The following TRDN variants were observed in gnomAD, a reference collection of about 807,000 sequenced individuals.
TRDN encodes the protein triadin in skeletal muscle.
A neutral mutation model predicts 149.7 loss-of-function variants in TRDN; 161 were observed. That is an observed-to-expected ratio of 1.08 (90% CI 0.95 to 1.23). The LOEUF (loss-of-function observed/expected upper bound fraction) is 1.23. Among genes scored for constraint, TRDN ranks in the 50% most tolerant of loss-of-function variants. The probability of loss-of-function intolerance (pLI) is 0.00; values close to 1 mark genes in which losing one functional copy is unlikely to be tolerated. For synonymous variants in TRDN, 294 were observed against 250.5 expected (o/e 1.17, Z -1.64); for missense variants, 896 against 823.5 (o/e 1.09, Z -1.08).
At chr6:123,235,718 T>C (rs75486621) in intron 38 of TRDN, among the ~76,000 whole-genome samples, 4,929 of 152,196 alleles carry the variant, frequency 0.032, 264 homozygotes, top group African/African-American at 0.11. Flanking sequence ...TCCTTTATAG[T>C]GACACTCCCC....
At chr6:123,326,355 T>C (rs971205728) in intron 23 of TRDN, among the ~76,000 whole-genome samples, 7 of 152,054 alleles carry the variant, frequency 4.6e-5, no homozygotes, top group Admixed American at 2.0e-4. Flanking sequence ...TATAGAGTCT[T>C]ATATTCTAAG....
chr6:123,627,529 G>A (rs372026370), intron 1 of TRDN, among the ~76,000 whole-genome samples: 1 of 152,098 alleles, frequency 6.6e-6, no homozygotes, highest in South Asian at 2.1e-4. Context: ...TAAATTTATT[G>A]TAATTCTTTA....
At position 123,550,675 on chromosome 6, in the gene TRDN, C is replaced by T. The variant is rs183051589; in HGVS notation, c.233-2063G>A. 6.1e-4 allele frequency among the ~76,000 whole-genome samples: 92 copies of T among 151,920 alleles called. No homozygotes were observed. In the East Asian group the frequency reaches 9.7e-3, roughly 16 times the overall value. ...ACTGATGGGAAGATCTCATAGAGAG[C>T]GGAAAAATTATATGAACGAGAGGAT... On this transcript the variant is annotated intron_variant, in intron 2 of 40. Transcript: ENST00000334268.
At chr6:123,367,857 C>T (rs536009635) in intron 19 of TRDN, among the ~76,000 whole-genome samples, 8 of 152,298 alleles carry the variant, frequency 5.3e-5, no homozygotes, top group African/African-American at 1.9e-4. Context: ...TCAGTCAAGA[C>T]TATTCCTACT....
intron 17 of TRDN, 49 bp downstream of exon 17, chr6:123,377,817 C>T: frequency 6.2e-7 from 1 of 1,602,818 alleles, no homozygotes; most frequent in Non-Finnish European, 8.5e-7. Flanking sequence ...AATTGCAAAT[C>T]AAATAATATT....
At chr6:123,599,303 A>T (rs967100994) in intron 1 of TRDN, among the ~76,000 whole-genome samples, 4 of 151,824 alleles carry the variant, frequency 2.6e-5, no homozygotes, top group Admixed American at 6.6e-5. Flanking sequence ...GGGTTATATA[A>T]CTGAGAATAT....
At chr6:123,389,311 CT>C in intron 13 of TRDN, 1 of 152,284 alleles carries the variant, frequency 6.6e-6, no homozygotes, top group East Asian at 1.9e-4. Context: ...TCAGGGGTAT[CT>C]TAGGCCACAT....
intron 38 of TRDN, among the ~76,000 whole-genome samples, chr6:123,232,482 G>A: frequency 6.6e-6 from 1 of 151,988 alleles, no homozygotes; most frequent in African/African-American, 2.4e-5. Context: ...AGAAGTGGCT[G>A]CAAATGCAAG....
chr6:123,602,433 G>A (rs571898108), intron 1 of TRDN, among the ~76,000 whole-genome samples: 1 of 107,096 alleles, frequency 9.3e-6, no homozygotes, highest in Admixed American at 1.1e-4. Context: ...AGAGGGAAGG[G>A]TTGTAGGGGG....
intron 23 of TRDN, among the ~76,000 whole-genome samples, chr6:123,316,853 A>C (rs1021053114): frequency 6.6e-6 from 1 of 151,842 alleles, no homozygotes; most frequent in South Asian, 2.1e-4. Context: ...GAAAAACGTC[A>C]TAAATTTTCC....
chr6:123,418,602 A>T (rs1239522506), intron 12 of TRDN: 1 of 152,090 alleles, frequency 6.6e-6, no homozygotes, highest in Non-Finnish European at 1.5e-5. Flanking sequence ...GGCTACAAGA[A>T]TCTCAGAATC....
At chr6:123,623,417 G>A (rs2114718384) in intron 1 of TRDN, among the ~76,000 whole-genome samples, 1 of 152,176 alleles carries the variant, frequency 6.6e-6, no homozygotes, top group East Asian at 1.9e-4. Flanking sequence ...TAACTGTGGT[G>A]TAGTTTATCA....
intron 2 of TRDN, among the ~76,000 whole-genome samples, chr6:123,556,728 A>T (rs1040409435): frequency 1.3e-5 from 2 of 151,710 alleles, no homozygotes; most frequent in East Asian, 3.9e-4. Flanking sequence ...CTTCTGGATA[A>T]TACCAATATT....
rs150040215 is a variant in TRDN, at chr6:123,251,377, T to C, written c.1975+1035A>G. ...GTGACTAGCACAAGATAAAATGTAG[T>C]GTAAGTGTAAAATACACATAAGATT... is the stretch of plus-strand genomic sequence containing the variant. On this transcript the variant is annotated intron_variant, in intron 38 of 40. Coordinates refer to ENST00000334268, the MANE Select transcript of TRDN (RefSeq NM_006073.4). Among the ~76,000 whole-genome samples the C allele has an allele frequency of 8.6e-3, 1,316 of 152,148 alleles. 16 individuals carry two copies. Among genetic ancestry groups the C allele is most frequent in the South Asian group, 0.022 (108 of 4,820 alleles).
chr6:123,549,820 G>C (rs1483366172), intron 2 of TRDN, among the ~76,000 whole-genome samples: 3 of 152,028 alleles, frequency 2.0e-5, no homozygotes, highest in Admixed American at 2.0e-4. Flanking sequence ...GTATTTCAAT[G>C]ACAGAATTAA....
chr6:123,425,865 T>G (rs1309281458), intron 12 of TRDN, among the ~76,000 whole-genome samples: 1 of 152,046 alleles, frequency 6.6e-6, no homozygotes, highest in African/African-American at 2.4e-5. Context: ...ATTTATATAA[T>G]ATACATATCT....
intron 10 of TRDN, among the ~76,000 whole-genome samples, chr6:123,448,877 A>T (rs561538418): frequency 6.6e-6 from 1 of 152,250 alleles, no homozygotes; most frequent in African/African-American, 2.4e-5. Context: ...AGAGACCCAC[A>T]GATGGTTCAC....
At chr6:123,582,646 G>T (rs1241714020) in intron 1 of TRDN, among the ~76,000 whole-genome samples, 1 of 152,118 alleles carries the variant, frequency 6.6e-6, no homozygotes. Flanking sequence ...ATGGTGGAAT[G>T]TTATCAGTTA....
rs78252609 is a variant in TRDN, at chr6:123,262,480, T to C, written c.1805-1842A>G. Among the ~76,000 whole-genome samples the C allele has an allele frequency of 1.4e-4, 22 of 152,168 alleles. No individual in the cohort carries two copies. The East Asian group carries it at 3.9e-3, about 27-fold the overall frequency. Reference sequence around the variant, plus strand: ...CCAGGTATATCAACAGAAAACATGATAGGCATTCCCTCATACATCCTGGTC... The same window carrying C: ...CCAGGTATATCAACAGAAAACATGACAGGCATTCCCTCATACATCCTGGTC... On this transcript the variant is annotated intron_variant, in intron 33 of 40. Transcript: ENST00000334268.
Sources: gnomAD v4.1 joint callset for allele counts (sites outside exome capture counted in the v4.1 genomes callset) on GRCh38, gnomAD v4.1.1 for gene constraint, MANE v1.5 for transcripts, NCBI Gene and HGNC (gene_info 2026-07-23, HGNC 2026-07-21) for gene names.